Variants in TACC2 observed in about 807,000 individuals in gnomAD.
The protein encoded by TACC2 is transforming acidic coiled-coil-containing protein 2.
A neutral mutation model predicts 227.3 loss-of-function variants in TACC2; 137 were observed. The observed-to-expected ratio is 0.60, with a 90% confidence interval of 0.52 to 0.69. The LOEUF (loss-of-function observed/expected upper bound fraction) is 0.69. TACC2 is among the 30% of genes least tolerant of loss of function. TACC2 has a pLI of 0.00. For synonymous variants in TACC2, 1,523 were observed against 1,487.5 expected, an observed-to-expected ratio of 1.02 and a Z score of -0.55; for missense variants, 3,470 against 3,694.4, an observed-to-expected ratio of 0.94 and a Z score of 1.57.
chr10:122,160,771 G>A (rs1433519043), intron 7 of TACC2, among the ~76,000 whole-genome samples: 3 of 151,968 alleles, frequency 2.0e-5, no homozygotes, highest in African/African-American at 4.8e-5. Context: ...TACATTTTCT[G>A]TAGGCCGAGT....
intron 2 of TACC2, among the ~76,000 whole-genome samples, chr10:122,026,154 T>TA (rs1362173537): frequency 1.3e-5 from 1 of 79,756 alleles, no homozygotes; most frequent in Admixed American, 1.5e-4. Context: ...CCGTCTCTAC[T>TA]AAAAATCCAA....
chr10:122,121,082 C>T (rs1044577588), intron 5 of TACC2, among the ~76,000 whole-genome samples: 22 of 152,138 alleles, frequency 1.4e-4, no homozygotes, highest in African/African-American at 5.3e-4. Context: ...TTAATCCACA[C>T]CCCAGTTGAT....
At chr10:122,188,618 C>G (rs931085535) in intron 7 of TACC2, among the ~76,000 whole-genome samples, 2 of 152,158 alleles carry the variant, frequency 1.3e-5, no homozygotes, top group African/African-American at 4.8e-5. Context: ...GAATTGGGTT[C>G]CTGTTTCTTG....
At chr10:122,061,535 C>T (rs2076825362) in intron 3 of TACC2, among the ~76,000 whole-genome samples, 1 of 152,110 alleles carries the variant, frequency 6.6e-6, no homozygotes, top group South Asian at 2.1e-4. Context: ...CCCAGGAAGG[C>T]CTGGCATCTT....
chr10:122,218,462 C>T (rs1035964861), intron 11 of TACC2, among the ~76,000 whole-genome samples: 1 of 152,128 alleles, frequency 6.6e-6, no homozygotes, highest in African/African-American at 2.4e-5. Flanking sequence ...CACAGTCAGG[C>T]CCGGAGGCAT....
rs769712352 is a variant in TACC2, at chr10:122,087,702, C to G, written c.5202C>G (p.Ser1734=). 3.7e-6 allele frequency: 6 copies of G among 1,613,194 alleles called. No individual in the cohort carries two copies. In the East Asian group the frequency reaches 1.3e-4, roughly 36 times the overall value. Reference sequence around the variant, plus strand: ...AAGCAGGTACTACGAGGACATTCTCCGTTGTGGCAGGTGACTTGGTGCTGC... The same window carrying G: ...AAGCAGGTACTACGAGGACATTCTCGGTTGTGGCAGGTGACTTGGTGCTGC... ...LPEAGTTRTF[S]VVAGDLVLPG... The change falls in exon 4 of 23, where the codon TCC becomes TCG. Residue 1734 remains serine (S), a synonymous_variant. Transcript: ENST00000369005.
chr10:122,086,139 C>G lies in TACC2; in HGVS notation c.3639C>G (p.His1213Gln), dbSNP rs750732161. Residue 1213 changes from histidine (H) to glutamine (Q), a missense_variant, in exon 4 of 23, where the codon CAC (histidine) becomes CAG (glutamine). Transcript: ENST00000369005. ...GGAGCACCATGGATTTTTCTACACA[C>G]CAGGCTGTCCCAGACCCAAAGGAGC... ...IPRSTMDFST[H>Q]QAVPDPKELL... 1 of 1,613,562 alleles carries G rather than the reference C, an allele frequency of 6.2e-7. No individual in the cohort carries two copies. The highest frequency in any genetic ancestry group is 8.5e-7 in the Non-Finnish European group (1 of 1,179,968).
intron 10 of TACC2, among the ~76,000 whole-genome samples, chr10:122,216,226 T>G (rs1441658164): frequency 6.6e-6 from 1 of 151,966 alleles, no homozygotes; most frequent in East Asian, 1.9e-4. Context: ...GGAGATAAGA[T>G]CCCCCTTTTT....
chr10:122,065,568 G>GA (rs921328989), intron 3 of TACC2, among the ~76,000 whole-genome samples: 1 of 151,990 alleles, frequency 6.6e-6, no homozygotes, highest in Non-Finnish European at 1.5e-5. Flanking sequence ...ATCTGTACTT[G>GA]AAAAAAATGT....
intron 16 of TACC2, 35 bp downstream of exon 16, chr10:122,230,475 G>T: frequency 6.3e-7 from 1 of 1,588,450 alleles, no homozygotes; most frequent in Non-Finnish European, 8.6e-7. Flanking sequence ...CACCTCCTGA[G>T]AATGTCATGT....
At chr10:122,019,524 C>T (rs1957081195) in intron 1 of TACC2, among the ~76,000 whole-genome samples, 1 of 152,186 alleles carries the variant, frequency 6.6e-6, no homozygotes, top group East Asian at 1.9e-4. Context: ...CTGCTAGGTG[C>T]GGCCAATCAG....
chr10:122,022,270 C>T (rs1030905223), intron 2 of TACC2: 1 of 396,592 alleles, frequency 2.5e-6, no homozygotes, highest in African/African-American at 2.1e-5. Context: ...AAGACATGGT[C>T]TTGCTCTGTC....
Position 122,085,543 on chromosome 10 carries a change from C to T in TACC2, c.3043C>T (p.Pro1015Ser). 6.2e-7 allele frequency: 1 copy of T among 1,613,340 alleles called. No homozygotes were observed. The highest frequency in any genetic ancestry group is 8.5e-7 in the Non-Finnish European group (1 of 1,180,038). Residue 1015 changes from proline (P) to serine (S), a missense_variant, in exon 4 of 23, where the codon CCA becomes TCA. Physicochemically the swap from Pro to Ser is moderately conservative, Grantham distance 74 (BLOSUM62 -1). Around this residue, in one of 10 missense-constraint regions of TACC2, gnomAD observed 1,924 missense variants for 1,978.3 expected, o/e 0.97. Transcript: ENST00000369005. Reference sequence around the variant, plus strand: ...GCATGAAGAAGCATGTCAAAGGCATCCAGGAGCTTCTGAAGCAGCTGATGG... The same window carrying T: ...GCATGAAGAAGCATGTCAAAGGCATTCAGGAGCTTCTGAAGCAGCTGATGG... The part of the protein sequence containing the change: ...SQHEEACQRH[P>S]GASEAADGCS...
At position 122,086,034 on chromosome 10, in the gene TACC2, T is replaced by C; in HGVS notation, c.3534T>C (p.Arg1178=). The change falls in exon 4 of 23, where the codon CGT becomes CGC. Residue 1178 remains arginine (R), a synonymous_variant. Coordinates refer to ENST00000369005, the MANE Select transcript of TACC2 (RefSeq NM_206862.4). ...AGGAAGCTTCTACCTCTGCCCTACG[T>C]GAGTCCTGCCAAGCTGAGCACCCCA... ...SGEEASTSAL[R]ESCQAEHPMA... The C allele has an allele frequency of 1.2e-6, 2 of 1,613,854 alleles. No homozygotes were observed. The highest frequency in any genetic ancestry group is 1.7e-6 in the Non-Finnish European group (2 of 1,180,006).
rs762157882 is a variant in TACC2 at position 122,085,614 on chromosome 10, A to G, written c.3114A>G (p.Gly1038=). 3.1e-6 allele frequency: 5 copies of G among 1,613,274 alleles called. No individual in the cohort carries two copies. Among genetic ancestry groups the G allele is most frequent in the Non-Finnish European group, 4.2e-6 (5 of 1,180,044 alleles). ...TGAGTAAGAGGGAGATGGCAAGTGG[A>G]AACACAGGGGAGGCCCCACCTTGTC... ...WGLSKREMAS[G]NTGEAPPCQP... Residue 1038 remains glycine, a synonymous_variant, in exon 4 of 23, where the codon GGA becomes GGG. Coordinates refer to ENST00000369005, the MANE Select transcript of TACC2 (RefSeq NM_206862.4).
At chr10:122,098,598 T>C (rs1179225339) in intron 5 of TACC2, among the ~76,000 whole-genome samples, 2 of 152,174 alleles carry the variant, frequency 1.3e-5, no homozygotes, top group Admixed American at 6.5e-5. Flanking sequence ...CAGAGAGTTA[T>C]GTAAAAAATA....
At chr10:122,099,458 A>G (rs1253038211) in intron 5 of TACC2, among the ~76,000 whole-genome samples, 1 of 152,208 alleles carries the variant, frequency 6.6e-6, no homozygotes, top group Non-Finnish European at 1.5e-5. Context: ...TTGGGCATTC[A>G]TAGTCATTCA....
chr10:122,201,121 C>T (rs1161260069), intron 8 of TACC2, among the ~76,000 whole-genome samples: 1 of 144,776 alleles, frequency 6.9e-6, no homozygotes, highest in African/African-American at 2.7e-5. Context: ...GAGAGGACGG[C>T]CACCTCACCT....
chr10:122,253,903 G>A, intron 22 of TACC2, 88 bp from the exon 23 acceptor site: 2 of 1,070,238 alleles, frequency 1.9e-6, no homozygotes, highest in Non-Finnish European at 2.9e-6. Flanking sequence ...GGGGCCTGGT[G>A]GTCCCCCATC....
Sources: gnomAD v4.1 joint callset for allele counts (sites outside exome capture counted in the v4.1 genomes callset) on GRCh38, gnomAD v4.1.1 for gene constraint, gnomAD v4.1.1 regional missense constraint, MANE v1.5 for transcripts, NCBI Gene and HGNC (gene_info 2026-07-23, HGNC 2026-07-21) for gene names.